SOX5: variants seen among roughly 807,000 people sequenced by gnomAD.
The protein encoded by SOX5 is transcription factor SOX-5.
In SOX5, 9 loss-of-function variants were observed where a neutral mutation model predicts 92.0. The observed-to-expected ratio is 0.10, with a 90% CI of 0.06 to 0.17. The LOEUF (loss-of-function observed/expected upper bound fraction) is 0.17, where lower values mean the gene tolerates loss of function less well. Ranked by LOEUF, SOX5 falls within the 10% of genes least tolerant of loss-of-function variation. The pLI, the probability that SOX5 is intolerant of heterozygous loss-of-function variation, is 1.00. For missense variants in SOX5, 642 were observed against 944.5 expected (o/e 0.68, Z 4.20); for synonymous variants, 344 against 336.3 (o/e 1.02, Z -0.25).
intron 2 of SOX5, among the ~76,000 whole-genome samples, chr12:23,859,389 T>C (rs1286457070): frequency 1.3e-5 from 2 of 152,138 alleles, no homozygotes; most frequent in Admixed American, 6.5e-5. Context: ...AGGGATGAAA[T>C]ACGCTCTGGT....
chr12:23,941,056 T>C (rs1243472617), intron 1 of SOX5, among the ~76,000 whole-genome samples: 1 of 151,558 alleles, frequency 6.6e-6, no homozygotes, highest in Non-Finnish European at 1.5e-5. Flanking sequence ...TTCTATGAAA[T>C]GTTTCTTCCT....
chr12:23,561,488 G>T (rs1314823782), intron 11 of SOX5, among the ~76,000 whole-genome samples: 1 of 152,110 alleles, frequency 6.6e-6, no homozygotes, highest in African/African-American at 2.4e-5. Flanking sequence ...ATGGTGGAAG[G>T]CCTAGGATTA....
At chr12:23,728,762 C>T (rs897588409) in intron 6 of SOX5, among the ~76,000 whole-genome samples, 21 of 151,944 alleles carry the variant, frequency 1.4e-4, no homozygotes, top group African/African-American at 5.1e-4. Flanking sequence ...AAACTTAGGG[C>T]CATTAAGCCT....
intron 3 of SOX5, among the ~76,000 whole-genome samples, chr12:23,766,663 C>T (rs1043679696): frequency 6.6e-6 from 1 of 151,990 alleles, no homozygotes; most frequent in African/African-American, 2.4e-5. Flanking sequence ...AAGAATTTTA[C>T]TAACACCACA....
At chr12:23,655,879 A>G (rs190572313) in intron 7 of SOX5, among the ~76,000 whole-genome samples, 1 of 152,272 alleles carries the variant, frequency 6.6e-6, no homozygotes, top group Non-Finnish European at 1.5e-5. Flanking sequence ...ATAGTGACCT[A>G]GAATAGAAAA....
At chr12:23,947,359 A>G (rs557944243) in intron 1 of SOX5, among the ~76,000 whole-genome samples, 1 of 152,060 alleles carries the variant, frequency 6.6e-6, no homozygotes, top group East Asian at 1.9e-4. Context: ...AAGGCAAAAA[A>G]TCTAATTATA....
At chr12:23,832,003 C>CAG (rs2096333749) in intron 3 of SOX5, among the ~76,000 whole-genome samples, 1 of 144,892 alleles carries the variant, frequency 6.9e-6, no homozygotes. Context: ...TGCGCACACT[C>CAG]AGGCACACAA....
chr12:24,004,802 T>C (rs1237010108), intron 4 of SOX5, among the ~76,000 whole-genome samples: 1 of 152,020 alleles, frequency 6.6e-6, no homozygotes, highest in Non-Finnish European at 1.5e-5. Context: ...CACACAAATA[T>C]TTGAATGTGA....
Position 23,532,117 on chromosome 12 carries a change from T to C in SOX5, c.*2102A>G, listed in dbSNP as rs1355522259. On this transcript the variant is annotated 3_prime_UTR_variant, in exon 15 of 15. Transcript: ENST00000451604. ...ACCATTATTATTATTATTACTATTA[T>C]TATTATTATTTTATCATCATCATCA... 2 of 151,236 alleles carry C rather than the reference T, an allele frequency of 1.3e-5. No homozygotes were observed. The highest frequency in any genetic ancestry group is 2.9e-5 in the Non-Finnish European group (2 of 67,832). 9.4% of individuals were successfully genotyped at this position (151,236 alleles called of 1,614,324 possible).
chr12:24,074,649 A>AAAAAAAAAAAAAAAAAAAAC (rs1378415520), intron 4 of SOX5, among the ~76,000 whole-genome samples: 1 of 151,024 alleles, frequency 6.6e-6, no homozygotes. Context: ...AAAAAAAAAA[A>AAAAAAAAAAAAAAAAAAAAC]AAAAGCTCAA....
At chr12:24,094,848 G>C (rs999846822) in intron 4 of SOX5, among the ~76,000 whole-genome samples, 1 of 152,024 alleles carries the variant, frequency 6.6e-6, no homozygotes, top group Non-Finnish European at 1.5e-5. Flanking sequence ...TTAACTCAGT[G>C]CCAACTCCAC....
intron 1 of SOX5, among the ~76,000 whole-genome samples, chr12:23,923,893 C>T (rs1939185758): frequency 6.6e-6 from 1 of 152,146 alleles, no homozygotes; most frequent in Non-Finnish European, 1.5e-5. Flanking sequence ...ATTATATAAC[C>T]TTCTTTAATC....
intron 1 of SOX5, among the ~76,000 whole-genome samples, chr12:24,512,792 G>A (rs1015518818): frequency 2.7e-4 from 41 of 152,108 alleles, no homozygotes; most frequent in African/African-American, 9.7e-4. Flanking sequence ...AGAATACAGG[G>A]TTATCTCTAA....
chr12:23,672,816 C>CT, intron 6 of SOX5, among the ~76,000 whole-genome samples: 1 of 152,246 alleles, frequency 6.6e-6, no homozygotes, highest in African/African-American at 2.4e-5. Context: ...ATTAAGACCT[C>CT]TGTTACTTTA....
At chr12:24,194,774 T>C (rs1956854860) in intron 4 of SOX5, among the ~76,000 whole-genome samples, 1 of 152,116 alleles carries the variant, frequency 6.6e-6, no homozygotes. Flanking sequence ...TTTTAGGAGT[T>C]CAGCATAAAT....
chr12:23,608,851 T>C (rs2075597724), intron 8 of SOX5, among the ~76,000 whole-genome samples: 3 of 152,152 alleles, frequency 2.0e-5, no homozygotes, highest in African/African-American at 7.2e-5. Flanking sequence ...AGTAAGAAAC[T>C]AGGCAACATA....
intron 6 of SOX5, among the ~76,000 whole-genome samples, chr12:23,711,975 T>A (rs985213290): frequency 5.3e-5 from 8 of 152,206 alleles, no homozygotes; most frequent in Non-Finnish European, 1.2e-4. Context: ...GAAACAAAGA[T>A]ATATTATCTG....
chr12:24,206,694 T>C (rs547455162), intron 4 of SOX5, among the ~76,000 whole-genome samples: 3 of 152,282 alleles, frequency 2.0e-5, no homozygotes, highest in African/African-American at 4.8e-5. Context: ...CCTTCCACCT[T>C]GGATGGGGAG....
intron 7 of SOX5, among the ~76,000 whole-genome samples, chr12:23,647,376 A>G (rs1346923246): frequency 6.6e-6 from 1 of 152,228 alleles, no homozygotes; most frequent in African/African-American, 2.4e-5. Context: ...AGGTAGATTT[A>G]GCTTAATTCT....
Sources: allele counts gnomAD v4.1 joint callset (sites outside exome capture counted in the v4.1 genomes callset), GRCh38; gene constraint gnomAD v4.1.1; transcripts MANE v1.5; gene names NCBI Gene and HGNC (gene_info 2026-07-23, HGNC 2026-07-21).